The following VPS54 variants were observed in gnomAD, a reference collection of about 807,000 sequenced individuals.
VPS54 encodes VPS54 subunit of GARP complex, also known as vacuolar protein sorting-associated protein 54.
Under a neutral mutation model 121.5 loss-of-function variants are expected in VPS54, and 45 were observed. The observed-to-expected ratio is 0.37, with a 90% CI of 0.29 to 0.47. The LOEUF is 0.47. Ranked by LOEUF, VPS54 falls within the 20% of genes least tolerant of loss-of-function variation. The probability of loss-of-function intolerance (pLI) is 0.99; values close to 1 mark genes in which losing one functional copy is unlikely to be tolerated. For synonymous variants in VPS54, 371 were observed against 385.8 expected, an observed-to-expected ratio of 0.96 and a Z score of 0.45; for missense variants, 1,090 against 1,131.4, an observed-to-expected ratio of 0.96 and a Z score of 0.52.
rs981893407 is a variant in VPS54, at chr2:64,019,028, G to C, written c.-111C>G. The C allele has an allele frequency of 1.3e-5, 2 of 150,916 alleles. No homozygotes were observed. The highest frequency in any genetic ancestry group is 1.8e-4 in the South Asian group (1 of 5,538). The allele number at this position is 150,916 out of a possible 1,614,324, so 9.3% of individuals were successfully genotyped here. On this transcript the variant is annotated 5_prime_UTR_variant, in exon 1 of 23. Coordinates refer to ENST00000272322, the MANE Select transcript of VPS54 (RefSeq NM_016516.3). Reference sequence around the variant, plus strand: ...CGTCGCACCGAGGCTGCTGCTCCACGGCCGCCGCCGCCCGGCGCCCGGCCG... The same window carrying C: ...CGTCGCACCGAGGCTGCTGCTCCACCGCCGCCGCCGCCCGGCGCCCGGCCG...
At chr2:63,899,638 C>CAGGGAATGGTGGAGA in intron 20 of VPS54, 57 bp from the exon 21 acceptor site, 1 of 1,388,928 alleles carries the variant, frequency 7.2e-7, no homozygotes, top group Non-Finnish European at 1.0e-6. Context: ...CATAATGTCT[C>CAGGGAATGGTGGAGA]CACCATTCCC....
chr2:63,913,890 T>C, intron 17 of VPS54: 10 of 1,138,692 alleles, frequency 8.8e-6, no homozygotes, highest in Non-Finnish European at 1.1e-5. Context: ...CCAGTCCAGG[T>C]TTTTTGACCT....
At chr2:63,935,474 G>C (rs916432348) in intron 11 of VPS54, among the ~76,000 whole-genome samples, 1 of 152,024 alleles carries the variant, frequency 6.6e-6, no homozygotes, top group Non-Finnish European at 1.5e-5. Flanking sequence ...GATATACTTA[G>C]TTCCCCCATC....
rs144921762 is a variant in VPS54 at position 63,930,715 on chromosome 2, A to C, written c.1739+2958T>G. ...AGGGTATTCAATGTGGAAAAGAGGA[A>C]GTCAAATTGTCTCTGTTTGTAGATG... On this transcript the variant is annotated intron_variant, in intron 12 of 22. Coordinates refer to ENST00000272322, the MANE Select transcript of VPS54 (RefSeq NM_016516.3). Among the ~76,000 whole-genome samples the C allele has an allele frequency of 8.0e-3, 1,225 of 152,334 alleles. 7 individuals carry two copies. Among genetic ancestry groups the C allele is most frequent in the South Asian group, 0.019 (93 of 4,830 alleles).
intron 4 of VPS54, among the ~76,000 whole-genome samples, chr2:63,971,747 A>T (rs984674501): frequency 2.6e-5 from 4 of 152,208 alleles, no homozygotes; most frequent in African/African-American, 9.6e-5. Flanking sequence ...ATTCAGGACA[A>T]CATCAGTTCT....
chr2:63,949,107 G>A lies in VPS54; in HGVS notation c.1067C>T (p.Ala356Val). Residue 356 changes from alanine (A) to valine (V), a missense_variant, in exon 8 of 23, where the codon GCA (alanine) becomes GTA (valine). By Grantham distance (64) the Ala-to-Val change is moderately conservative. This residue lies in a region of VPS54 where 801 missense variants were observed against 757.0 expected (regional missense o/e 1.06). Coordinates refer to ENST00000272322, the MANE Select transcript of VPS54 (RefSeq NM_016516.3). ...LEKLIDKMMI[A>V]EFSTYSHSDL... is the part of the protein sequence containing the mutation. ...ACTGTGAGAATAAGTAGAAAATTCT[G>A]CAATCATCATTTTATCTATCAGTTT... The A allele has an allele frequency of 1.2e-6, 2 of 1,611,150 alleles. No individual in the cohort carries two copies. The highest frequency in any genetic ancestry group is 4.5e-5 in the East Asian group (2 of 44,742).
At chr2:64,010,013 C>T (rs114478756) in intron 1 of VPS54, among the ~76,000 whole-genome samples, 4,293 of 151,762 alleles carry the variant, frequency 0.028, 196 homozygotes, top group African/African-American at 0.098. Context: ...GCCTAATTTT[C>T]GTATTTTCAG....
chr2:63,897,409 A>G, intron 22 of VPS54, 87 bp downstream of exon 22: 3 of 939,964 alleles, frequency 3.2e-6, no homozygotes, highest in Non-Finnish European at 4.8e-6. Flanking sequence ...GTGTGATTAC[A>G]GCAGAAAAGG....
At chr2:63,983,817 A>G in intron 2 of VPS54, 47 bp downstream of exon 2, 1 of 1,549,884 alleles carries the variant, frequency 6.5e-7, no homozygotes, top group Non-Finnish European at 8.7e-7. Flanking sequence ...TCATTTAAAG[A>G]TAATAGAAAT....
intron 7 of VPS54, among the ~76,000 whole-genome samples, chr2:63,954,369 A>G (rs1675394822): frequency 6.6e-6 from 1 of 152,176 alleles, no homozygotes; most frequent in African/African-American, 2.4e-5. Flanking sequence ...TGTATTTATA[A>G]TATCTTTAAA....
chr2:63,925,396 T>G (rs947211404), intron 12 of VPS54, among the ~76,000 whole-genome samples: 3 of 152,228 alleles, frequency 2.0e-5, no homozygotes, highest in Admixed American at 6.5e-5. Context: ...AAGGAAGATG[T>G]GGAGTGACAC....
At chr2:63,972,393 G>A in intron 3 of VPS54, 149 bp from the exon 4 acceptor site, 1 of 505,502 alleles carries the variant, frequency 2.0e-6, no homozygotes, top group Non-Finnish European at 3.5e-6. Flanking sequence ...TTAAATACAA[G>A]TAACAAGCGG....
intron 11 of VPS54, among the ~76,000 whole-genome samples, chr2:63,935,168 C>T (rs1334948567): frequency 6.6e-6 from 1 of 152,088 alleles, no homozygotes; most frequent in Non-Finnish European, 1.5e-5. Flanking sequence ...TTATGAAAGA[C>T]CTTAAGGCTG....
Position 64,017,105 on chromosome 2 carries a change from G to T in VPS54, c.-21+1833C>A, listed in dbSNP as rs1338059967. Among the ~76,000 whole-genome samples the T allele has an allele frequency of 4.2e-4, 64 of 150,794 alleles. 1 individual carries two copies. Among genetic ancestry groups the T allele is most frequent in the Non-Finnish European group, 6.6e-4 (45 of 67,768 alleles). Reference sequence around the variant, plus strand: ...ACCTCTAATCCCAGCACTCTGGGAGGCCGAGGCCGGTGGATCACAAGGTCA... The same window carrying T: ...ACCTCTAATCCCAGCACTCTGGGAGTCCGAGGCCGGTGGATCACAAGGTCA... On this transcript the variant is annotated intron_variant, in intron 1 of 22. Coordinates refer to ENST00000272322, the MANE Select transcript of VPS54 (RefSeq NM_016516.3).
intron 5 of VPS54, among the ~76,000 whole-genome samples, chr2:63,967,553 T>C (rs989571723): frequency 4.0e-5 from 6 of 151,602 alleles, no homozygotes; most frequent in Admixed American, 3.9e-4. Context: ...ACCCCGTCTC[T>C]TCTAAAAATA....
At chr2:63,944,965 G>A (rs1041808755) in intron 9 of VPS54, among the ~76,000 whole-genome samples, 1 of 152,136 alleles carries the variant, frequency 6.6e-6, no homozygotes, top group East Asian at 1.9e-4. Context: ...CAACCATTGT[G>A]GAAGACAGTG....
chr2:63,914,405 T>C, intron 16 of VPS54, 118 bp from the exon 17 acceptor site: 1 of 691,160 alleles, frequency 1.4e-6, no homozygotes, highest in Non-Finnish European at 2.5e-6. Context: ...ATAATGACCT[T>C]GGTAACTATG....
At chr2:63,932,713 A>C (rs971373675) in intron 12 of VPS54, among the ~76,000 whole-genome samples, 1 of 152,070 alleles carries the variant, frequency 6.6e-6, no homozygotes, top group African/African-American at 2.4e-5. Flanking sequence ...ATATAAAGAT[A>C]ATAAAAATAT....
chr2:63,894,622 G>C (rs928291643), intron 22 of VPS54, among the ~76,000 whole-genome samples: 2 of 151,736 alleles, frequency 1.3e-5, no homozygotes, highest in African/African-American at 4.8e-5. Context: ...AGGATTGCTT[G>C]AGCCACGGAG....
Sources: allele counts gnomAD v4.1 joint callset (sites outside exome capture counted in the v4.1 genomes callset), GRCh38; gene constraint gnomAD v4.1.1; regional missense constraint gnomAD v4.1.1; transcripts MANE v1.5; gene names NCBI Gene and HGNC (gene_info 2026-07-23, HGNC 2026-07-21).